Variants in ANKS1A observed in about 807,000 individuals in gnomAD.
ANKS1A encodes the protein ankyrin repeat and sterile alpha motif domain containing 1A.
ANKS1A carries 55 observed loss-of-function variants against 120.3 expected under a neutral mutation model. The ratio of observed to expected loss-of-function variants is 0.46; its 90% CI spans 0.37 to 0.57. ANKS1A has a LOEUF of 0.57. Among genes scored for constraint, ANKS1A ranks in the 20% least tolerant of loss-of-function variants. The probability of loss-of-function intolerance (pLI) is 0.00; values close to 1 mark genes in which losing one functional copy is unlikely to be tolerated. For missense variants in ANKS1A, 1,123 were observed against 1,480.3 expected (o/e 0.76, Z 3.96); for synonymous variants, 590 against 604.7 (o/e 0.98, Z 0.36).
intron 1 of ANKS1A, among the ~76,000 whole-genome samples, chr6:34,935,575 C>A (rs1184330951): frequency 3.3e-5 from 5 of 152,180 alleles, no homozygotes; most frequent in African/African-American, 1.2e-4. Context: ...TTTCCGGTAG[C>A]TTTAGTTGTT....
chr6:35,035,200 G>C (rs1386449964), intron 11 of ANKS1A, among the ~76,000 whole-genome samples: 1 of 152,190 alleles, frequency 6.6e-6, no homozygotes, highest in African/African-American at 2.4e-5. Flanking sequence ...TAGGTGCTGG[G>C]TGCAGGGGGT....
chr6:35,046,156 G>A (rs1415877216), intron 11 of ANKS1A, among the ~76,000 whole-genome samples: 1 of 152,070 alleles, frequency 6.6e-6, no homozygotes. Context: ...ATTAATATGA[G>A]CCAGTTTCCC....
In ANKS1A at chr6:34,991,657, T is replaced by C. The variant is rs149140314; in HGVS notation, c.1302+2341T>C. Among the ~76,000 whole-genome samples the C allele has an allele frequency of 2.5e-3, 280 of 109,876 alleles. 3 individuals are homozygous for C. Among genetic ancestry groups the C allele is most frequent in the African/African-American group, 7.9e-3 (272 of 34,254 alleles). The allele number at this position is 109,876 out of a possible 152,430, so 72.1% of individuals were successfully genotyped here. ...ATACATATATACACACACATATATA[T>C]ACACATATATATACACATATATATA... On this transcript the variant is annotated intron_variant, in intron 9 of 23. Transcript: ENST00000360359.
chr6:35,068,803 G>C (rs1395872611), intron 13 of ANKS1A, among the ~76,000 whole-genome samples: 2 of 152,208 alleles, frequency 1.3e-5, no homozygotes, highest in Non-Finnish European at 2.9e-5. Context: ...TGATGGGGCA[G>C]TCAGGGGAAC....
At chr6:34,937,855 T>C (rs1769336164) in intron 1 of ANKS1A, among the ~76,000 whole-genome samples, 2 of 152,198 alleles carry the variant, frequency 1.3e-5, no homozygotes, top group Admixed American at 6.5e-5. Context: ...GGAAAACTTA[T>C]TAGGACAAAA....
In ANKS1A at chr6:34,955,568, C is replaced by T. The variant is rs549962390; in HGVS notation, c.198-11671C>T. 6.6e-5 allele frequency among the ~76,000 whole-genome samples: 10 copies of T among 152,212 alleles called. No individual in the cohort carries two copies. In the East Asian group the frequency reaches 7.7e-4, roughly 12 times the overall value. ...TTGGTTTCGTTTCCTTCTGCAGATG[C>T]CCCCCTGGATTCCCAGCATTCTCCA... On this transcript the variant is annotated intron_variant, in intron 1 of 23. Coordinates refer to ENST00000360359, the MANE Select transcript of ANKS1A (RefSeq NM_015245.3).
Position 35,082,673 on chromosome 6 carries a change from A to C in ANKS1A, c.2710-18A>C. ...CTCTGGAGCAAGGAGCAGGTGTCCA[A>C]TTGCGTGTGTTTCGCAGGAGGAGCA... On this transcript the variant is annotated intron_variant, in intron 17 of 23. Transcript: ENST00000360359. This position sits in a 1 kb window ranked among gnomAD's most constrained non-coding sequence, Gnocchi z 4.1. The C allele has an allele frequency of 6.2e-7, 1 of 1,601,828 alleles. No homozygotes were observed. The highest frequency in any genetic ancestry group is 8.5e-7 in the Non-Finnish European group (1 of 1,173,858).
In ANKS1A at chr6:35,017,736, A is replaced by C; in HGVS notation, c.1687A>C (p.Ser563Arg). 6.2e-7 allele frequency: 1 copy of C among 1,614,098 alleles called. No individual in the cohort carries two copies. The highest frequency in any genetic ancestry group is 8.5e-7 in the Non-Finnish European group (1 of 1,180,036). The change falls in exon 11 of 24, where the codon AGC (serine) becomes CGC (arginine). Residue 563 changes from serine (S) to arginine (R), a missense_variant. Physicochemically the swap from Ser to Arg is moderately radical, Grantham distance 110. Transcript: ENST00000360359. ...GASQPSALDQ[S>R]KRVGYLTGLP... The stretch of plus-strand genomic sequence containing the variant: ...CTCCCAGCCCAGTGCCCTGGACCAG[A>C]GCAAGAGAGTGGGCTACCTCACAGG...
intron 1 of ANKS1A, among the ~76,000 whole-genome samples, chr6:34,893,408 A>C (rs1280664746): frequency 1.3e-5 from 2 of 152,214 alleles, no homozygotes; most frequent in East Asian, 3.9e-4. Flanking sequence ...AAGTGCTGGG[A>C]TTATAGGTGT....
intron 11 of ANKS1A, among the ~76,000 whole-genome samples, chr6:35,029,846 C>CAT (rs2127568927): frequency 6.7e-6 from 1 of 148,856 alleles, no homozygotes; most frequent in African/African-American, 2.5e-5. Flanking sequence ...TATATAGTTA[C>CAT]ATATTCTATA....
chr6:34,963,777 C>T (rs1770764340), intron 1 of ANKS1A, among the ~76,000 whole-genome samples: 1 of 152,206 alleles, frequency 6.6e-6, no homozygotes, highest in African/African-American at 2.4e-5. Flanking sequence ...CTTGCTAACA[C>T]TTACCTTTTG....
intron 12 of ANKS1A, among the ~76,000 whole-genome samples, chr6:35,054,794 T>A (rs1005360436): frequency 7.9e-5 from 12 of 152,258 alleles, no homozygotes; most frequent in African/African-American, 2.7e-4. Flanking sequence ...TGAGCTGTTT[T>A]ATCTGATGAT....
At chr6:34,966,353 A>G (rs1372540716) in intron 1 of ANKS1A, among the ~76,000 whole-genome samples, 1 of 152,210 alleles carries the variant, frequency 6.6e-6, no homozygotes, top group Admixed American at 6.5e-5. Context: ...TGCAGAAAAT[A>G]TATTTAACCA....
chr6:35,091,103 C>T lies in ANKS1A; in HGVS notation c.*2494C>T. Reference sequence around the variant, plus strand: ...AAAGCAGCTCAGAAGTATTGTTGCTCATGGTGTGGCAATGGACTGAACTGT... The same window carrying T: ...AAAGCAGCTCAGAAGTATTGTTGCTTATGGTGTGGCAATGGACTGAACTGT... On this transcript the variant is annotated 3_prime_UTR_variant, in exon 24 of 24. Transcript: ENST00000360359. The T allele has an allele frequency of 1.0e-6, 1 of 985,908 alleles. No individual in the cohort carries two copies. Among genetic ancestry groups the T allele is most frequent in the Non-Finnish European group, 1.2e-6 (1 of 829,958 alleles). The allele number at this position is 985,908 out of a possible 1,614,324, so 61.1% of individuals were successfully genotyped here.
rs1009370436 is a variant in ANKS1A, at chr6:35,086,183, G to A, written c.3303+247G>A. On this transcript the variant is annotated intron_variant, in intron 22 of 23. Transcript: ENST00000360359. The surrounding 1 kb of genome is among the most constrained non-coding windows in gnomAD (Gnocchi z 5.1). ...GCTGGGCTCCCCCAAGGGCAAGGCC[G>A]TCAAGGGGCTGCAGAGAGCGGCCTG... 83 of 1,280,912 alleles carry A rather than the reference G, an allele frequency of 6.5e-5. 1 individual carries two copies. Among genetic ancestry groups the A allele is most frequent in the Non-Finnish European group, 7.7e-5 (72 of 940,744 alleles). The allele number at this position is 1,280,912 out of a possible 1,614,324, so 79.3% of individuals were successfully genotyped here.
chr6:34,978,439 A>G (rs1333092808), intron 3 of ANKS1A, among the ~76,000 whole-genome samples: 1 of 152,180 alleles, frequency 6.6e-6, no homozygotes, highest in Non-Finnish European at 1.5e-5. Context: ...AACATTCCAG[A>G]TGATCAGGAG....
At chr6:35,031,951 C>T (rs1385607693) in intron 11 of ANKS1A, among the ~76,000 whole-genome samples, 1 of 152,134 alleles carries the variant, frequency 6.6e-6, no homozygotes, top group African/African-American at 2.4e-5. Flanking sequence ...TTCTCCATTT[C>T]TTTTTGTTGA....
chr6:34,911,188 T>G (rs1236273822), intron 1 of ANKS1A, among the ~76,000 whole-genome samples: 1 of 152,202 alleles, frequency 6.6e-6, no homozygotes, highest in African/African-American at 2.4e-5. Context: ...AATGGTTGTT[T>G]TTGTTTCCAC....
chr6:34,938,874 C>T (rs1202852067), intron 1 of ANKS1A, among the ~76,000 whole-genome samples: 3 of 152,140 alleles, frequency 2.0e-5, no homozygotes, highest in Admixed American at 1.3e-4. Flanking sequence ...TGTAATCCCA[C>T]CTACGCGGAC....
Sources: gnomAD v4.1 joint callset for allele counts (sites outside exome capture counted in the v4.1 genomes callset) on GRCh38, gnomAD v4.1.1 for gene constraint, Gnocchi (gnomAD v3.1) non-coding constraint, MANE v1.5 for transcripts, NCBI Gene and HGNC (gene_info 2026-07-23, HGNC 2026-07-21) for gene names.